The following C11orf54 variants were observed in gnomAD, a reference collection of about 807,000 sequenced individuals.
C11orf54 encodes the protein beta-keto-L-gulonate decarboxylase.
In C11orf54, 29 loss-of-function variants were observed where a neutral mutation model predicts 35.5. The observed-to-expected ratio is 0.82, with a 90% CI of 0.61 to 1.11. The LOEUF (loss-of-function observed/expected upper bound fraction) is 1.11. C11orf54 is among the 50% of genes most tolerant of loss of function. C11orf54 has a pLI of 0.00. For synonymous variants in C11orf54, 108 were observed against 121.1 expected, an observed-to-expected ratio of 0.89 and a Z score of 0.71; for missense variants, 373 against 369.2, an observed-to-expected ratio of 1.01 and a Z score of -0.08.
At chr11:93,741,902 G>T (rs1942087474) in intron 1 of C11orf54, 174 bp downstream of exon 1, 1 of 213,308 alleles carries the variant, frequency 4.7e-6, no homozygotes, top group Non-Finnish European at 9.7e-6. Flanking sequence ...TGTGTGGCGA[G>T]GGTGACGGGT....
chr11:93,759,803 T>C lies in C11orf54; in HGVS notation c.719T>C (p.Phe240Ser). 1 of 1,611,388 alleles carries C rather than the reference T, an allele frequency of 6.2e-7. No homozygotes were observed. The highest frequency in any genetic ancestry group is 8.5e-7 in the Non-Finnish European group (1 of 1,178,172). Residue 240 changes from phenylalanine to serine, a missense_variant, in exon 8 of 9, where the codon TTT (phenylalanine) becomes TCT (serine). Physicochemically the swap from Phe to Ser is radical, Grantham distance 155 (BLOSUM62 -2). Transcript: ENST00000354421. ...SDEEVNKWLH[F>S]YEMKAPLVCL... The stretch of plus-strand genomic sequence containing the variant: ...GAAGAAGTGAATAAATGGTTGCATT[T>C]TTATGAAATGAAAGCTCCTTTGGTT...
chr11:93,764,479 CTTACG>C lies in C11orf54; in HGVS notation c.*2795_*2799del, dbSNP rs977433530. ...AGTTTCTGTGGTTTTGTGTACATTT[CTTACG>C]TTAGGGATTTCAGTTCAAAATTGTA... On this transcript the variant is annotated 3_prime_UTR_variant, in exon 9 of 9. Transcript: ENST00000354421. The C allele has an allele frequency of 4.6e-5, 7 of 152,090 alleles. No homozygotes were observed. The highest frequency in any genetic ancestry group is 1.7e-4 in the African/African-American group (7 of 41,402). 9.4% of individuals were successfully genotyped at this position (152,090 alleles called of 1,614,324 possible).
intron 3 of C11orf54, among the ~76,000 whole-genome samples, chr11:93,751,114 A>T (rs762397858): frequency 3.3e-4 from 50 of 152,320 alleles, no homozygotes; most frequent in Non-Finnish European, 6.5e-4. Flanking sequence ...TATTATGATG[A>T]GGAATTTGAG....
At position 93,761,739 on chromosome 11, in the gene C11orf54, T is replaced by C. The variant is rs757237467; in HGVS notation, c.*51T>C. Reference sequence around the variant, plus strand: ...GAAATAATTAAGGTTAATTAATTGATTGACTTATTAATTAATACTGATATA... The same window carrying C: ...GAAATAATTAAGGTTAATTAATTGACTGACTTATTAATTAATACTGATATA... On this transcript the variant is annotated 3_prime_UTR_variant, in exon 9 of 9. Coordinates refer to ENST00000354421, the MANE Select transcript of C11orf54 (RefSeq NM_001286069.2). 2.7e-6 allele frequency: 4 copies of C among 1,480,368 alleles called. No individual in the cohort carries two copies. Among genetic ancestry groups the C allele is most frequent in the Non-Finnish European group, 2.7e-6 (3 of 1,097,992 alleles). The allele number at this position is 1,480,368 out of a possible 1,614,324, so 91.7% of individuals were successfully genotyped here.
Position 93,763,132 on chromosome 11 carries a change from T to A in C11orf54, c.*1444T>A, listed in dbSNP as rs772590998. 3.3e-5 allele frequency: 5 copies of A among 152,206 alleles called. No individual in the cohort carries two copies. Among genetic ancestry groups the A allele is most frequent in the Admixed American group, 2.6e-4 (4 of 15,276 alleles). The allele number at this position is 152,206 out of a possible 1,614,324, so 9.4% of individuals were successfully genotyped here. A position where few individuals can be genotyped will look rare whatever the true frequency, so the allele number is the denominator to read the frequency against. ...CAGACAAAATAATATTAATAGTCTA[T>A]CATTTAACAAATATGTATTGAACAC... On this transcript the variant is annotated 3_prime_UTR_variant, in exon 9 of 9. Coordinates refer to ENST00000354421, the MANE Select transcript of C11orf54 (RefSeq NM_001286069.2).
chr11:93,742,306 C>A (rs552344775), intron 1 of C11orf54, among the ~76,000 whole-genome samples: 1 of 150,246 alleles, frequency 6.7e-6, no homozygotes, highest in Non-Finnish European at 1.5e-5. Context: ...TTTTTGAGAC[C>A]GAGTTTCGCT....
intron 7 of C11orf54, 62 bp downstream of exon 7, chr11:93,757,527 C>A: frequency 1.3e-6 from 2 of 1,482,096 alleles, no homozygotes; most frequent in Non-Finnish European, 1.8e-6. Context: ...TACTTAAGAT[C>A]TTAGGATTTT....
intron 2 of C11orf54, among the ~76,000 whole-genome samples, chr11:93,749,503 T>TAAAA (rs1369510091): frequency 1.6e-4 from 1 of 6,362 alleles, no homozygotes; most frequent in Admixed American, 2.1e-3. Context: ...AGACTCTGTC[T>TAAAA]CAAAAAAAAA....
At position 93,762,360 on chromosome 11, in the gene C11orf54, A is replaced by G. The variant is rs188198554; in HGVS notation, c.*672A>G. The G allele has an allele frequency of 6.0e-4, 91 of 152,382 alleles. No homozygotes were observed. Among genetic ancestry groups the G allele is most frequent in the African/African-American group, 2.1e-3 (88 of 41,598 alleles). The allele number at this position is 152,382 out of a possible 1,614,324, so 9.4% of individuals were successfully genotyped here. On this transcript the variant is annotated 3_prime_UTR_variant, in exon 9 of 9. Transcript: ENST00000354421. ...GATAGTTATTGAATCTTTGAATTGA[A>G]TTTTAAAAATCCATTCTAGTAATCA...
intron 1 of C11orf54, 136 bp from the exon 2 acceptor site, chr11:93,747,161 G>A (rs1387185234): frequency 5.9e-6 from 2 of 338,708 alleles, no homozygotes; most frequent in East Asian, 9.1e-5. Context: ...TAAAGTGTAA[G>A]TATTAAAAGG....
intron 2 of C11orf54, among the ~76,000 whole-genome samples, chr11:93,747,893 C>A (rs920220437): frequency 1.3e-5 from 2 of 152,098 alleles, no homozygotes. Flanking sequence ...TGACAGACTG[C>A]CAGTGAACTT....
At position 93,757,345 on chromosome 11, in the gene C11orf54, T is replaced by C; in HGVS notation, c.537T>C (p.Thr179=). The change falls in exon 7 of 9, where the codon ACT becomes ACC. Residue 179 remains threonine, a synonymous_variant. Transcript: ENST00000354421. ...TTGAGGTGAAAGCCAAAAGAAGAAC[T>C]GGACCACTTAACTTTGTGACTTGTA... is the stretch of plus-strand genomic sequence containing the variant. The part of the protein sequence containing the change: ...KVIEVKAKRR[T]GPLNFVTCMR... The C allele has an allele frequency of 1.3e-6, 2 of 1,598,318 alleles. No homozygotes were observed. Among genetic ancestry groups the C allele is most frequent in the Non-Finnish European group, 1.7e-6 (2 of 1,179,796 alleles).
At position 93,750,337 on chromosome 11, in the gene C11orf54, C is replaced by T; in HGVS notation, c.56-9C>T. ...AATGTTAAATAATCTTATTCCTTGT[C>T]TTTATTAGTTATGCAGAAGGGGTTA... is the stretch of plus-strand genomic sequence containing the variant. On this transcript the variant is annotated splice_polypyrimidine_tract_variant and intron_variant, in intron 2 of 8. Transcript: ENST00000354421. The T allele has an allele frequency of 6.2e-7, 1 of 1,608,746 alleles. No homozygotes were observed. Among genetic ancestry groups the T allele is most frequent in the Non-Finnish European group, 8.5e-7 (1 of 1,175,860 alleles).
At chr11:93,748,143 G>T (rs1232502441) in intron 2 of C11orf54, among the ~76,000 whole-genome samples, 1 of 152,010 alleles carries the variant, frequency 6.6e-6, no homozygotes, top group African/African-American at 2.4e-5. Context: ...TGATAAGATT[G>T]AAGTTAAGAA....
At chr11:93,756,154 AAGACTCTGTCTCC>A (rs1343894745) in intron 6 of C11orf54, among the ~76,000 whole-genome samples, 618 of 34,864 alleles carry the variant, frequency 0.018, 45 homozygotes, top group African/African-American at 0.027. Flanking sequence ...GCAACAAAGC[AAGACTCTGTCTCC>A]AAAAAAAAAA....
At chr11:93,742,717 A>G (rs945842034) in intron 1 of C11orf54, 9 of 152,110 alleles carry the variant, frequency 5.9e-5, no homozygotes, top group African/African-American at 2.2e-4. Flanking sequence ...TTTGCTCCAT[A>G]GTTTGGACAA....
At chr11:93,758,642 G>T (rs1186148655) in intron 7 of C11orf54, among the ~76,000 whole-genome samples, 7 of 152,352 alleles carry the variant, frequency 4.6e-5, no homozygotes, top group African/African-American at 1.7e-4. Context: ...GTGTGCACAC[G>T]CTCAGGGCAC....
At chr11:93,760,072 G>A (rs543666638) in intron 8 of C11orf54, among the ~76,000 whole-genome samples, 1 of 152,166 alleles carries the variant, frequency 6.6e-6, no homozygotes, top group African/African-American at 2.4e-5. Flanking sequence ...TCAGCCTCCC[G>A]GGTAGCTGGG....
chr11:93,749,105 T>C (rs562027734), intron 2 of C11orf54, among the ~76,000 whole-genome samples: 3 of 150,304 alleles, frequency 2.0e-5, no homozygotes, highest in South Asian at 2.1e-4. Flanking sequence ...GATTGCGCCA[T>C]TGTACTCCAG....
Sources: gnomAD v4.1 joint callset for allele counts (sites outside exome capture counted in the v4.1 genomes callset) on GRCh38, gnomAD v4.1.1 for gene constraint, MANE v1.5 for transcripts, NCBI Gene and HGNC (gene_info 2026-07-23, HGNC 2026-07-21) for gene names.